Variants in NUDT9 observed in about 807,000 individuals in gnomAD.
The protein encoded by NUDT9 is nudix hydrolase 9, also known as ADP-ribose pyrophosphatase.
Under a neutral mutation model 41.0 loss-of-function variants are expected in NUDT9, and 31 were observed. That is an observed-to-expected ratio of 0.76 (90% confidence interval 0.57 to 1.02). The LOEUF (loss-of-function observed/expected upper bound fraction) is 1.02, where lower values mean the gene tolerates loss of function less well. Ranked by LOEUF, NUDT9 falls within the 50% of genes least tolerant of loss-of-function variation. The pLI, the probability that NUDT9 is intolerant of heterozygous loss-of-function variation, is 0.00. For missense variants in NUDT9, 380 were observed against 431.4 expected (o/e 0.88, Z 1.06); for synonymous variants, 146 against 147.6 (o/e 0.99, Z 0.08).
Position 87,454,493 on chromosome 4 carries a change from A to G in NUDT9, c.874+38A>G, listed in dbSNP as rs777219701. ...TTATTAAACTGGCTGGGATTAAAGG[A>G]TCAATTTAAGCCATTAGCCCACTAA... is the stretch of plus-strand genomic sequence containing the variant. On this transcript the variant is annotated intron_variant, in intron 7 of 7. Coordinates refer to ENST00000302174, the MANE Select transcript of NUDT9 (RefSeq NM_024047.5). 25 of 1,346,308 alleles carry G rather than the reference A, an allele frequency of 1.9e-5. No homozygotes were observed. The Middle Eastern group carries it at 9.0e-4, about 48-fold the overall frequency. 83.4% of individuals were successfully genotyped at this position (1,346,308 alleles called of 1,614,324 possible). A position where few individuals can be genotyped will look rare whatever the true frequency, so the allele number is the denominator to read the frequency against.
chr4:87,438,612 G>C (rs1224035614), intron 3 of NUDT9, among the ~76,000 whole-genome samples: 1 of 152,138 alleles, frequency 6.6e-6, no homozygotes, highest in Non-Finnish European at 1.5e-5. Flanking sequence ...GCGTTTGAAT[G>C]CATCTTTTTG....
At position 87,458,258 on chromosome 4, in the gene NUDT9, G is replaced by T. The variant is rs1723076200; in HGVS notation, c.*237G>T. 5.8e-6 allele frequency: 2 copies of T among 346,614 alleles called. No individual in the cohort carries two copies. Among genetic ancestry groups the T allele is most frequent in the South Asian group, 1.4e-4 (1 of 7,294 alleles). The allele number at this position is 346,614 out of a possible 1,614,324, so 21.5% of individuals were successfully genotyped here. A position where few individuals can be genotyped will look rare whatever the true frequency, so the allele number is the denominator to read the frequency against. On this transcript the variant is annotated 3_prime_UTR_variant, in exon 8 of 8. Coordinates refer to ENST00000302174, the MANE Select transcript of NUDT9 (RefSeq NM_024047.5). ...AAGTAATCATATTTTGTATGTATTC[G>T]ATTTAAGCATGGCTTAAATTAAATT...
At chr4:87,455,273 C>T (rs900227287) in intron 7 of NUDT9, among the ~76,000 whole-genome samples, 2 of 152,296 alleles carry the variant, frequency 1.3e-5, no homozygotes, top group East Asian at 1.9e-4. Flanking sequence ...GCTTGTTGAA[C>T]TTGGAGGAAA....
chr4:87,429,486 T>G (rs1721583845), intron 1 of NUDT9, among the ~76,000 whole-genome samples: 1 of 152,142 alleles, frequency 6.6e-6, no homozygotes, highest in Admixed American at 6.5e-5. Context: ...TATAATTATG[T>G]AATTTGCCCT....
intron 7 of NUDT9, 145 bp from the exon 8 acceptor site, chr4:87,457,698 G>A: frequency 1.5e-6 from 1 of 664,894 alleles, no homozygotes; most frequent in Non-Finnish European, 2.5e-6. Context: ...CTGCTGACCA[G>A]GGATGGAATG....
rs1220030254 is a variant in NUDT9, at chr4:87,438,263, T to C, written c.348-14T>C. 1 of 1,385,414 alleles carries C rather than the reference T, an allele frequency of 7.2e-7. No individual in the cohort carries two copies. Among genetic ancestry groups the C allele is most frequent in the Non-Finnish European group, 1.0e-6 (1 of 973,258 alleles). The allele number at this position is 1,385,414 out of a possible 1,614,324, so 85.8% of individuals were successfully genotyped here. ...ATCATTATTTCTTATTTTACATTGG[T>C]ATTCTCATTACAGTGAAAGTAATTT... On this transcript the variant is annotated splice_polypyrimidine_tract_variant and intron_variant, in intron 2 of 7. Transcript: ENST00000302174.
intron 7 of NUDT9, 36 bp downstream of exon 7, chr4:87,454,491 G>C (rs1194489302): frequency 2.2e-6 from 3 of 1,369,994 alleles, no homozygotes; most frequent in Admixed American, 3.4e-5. Context: ...TGGGATTAAA[G>C]GATCAATTTA....
chr4:87,423,592 C>G (rs770670331), intron 1 of NUDT9, among the ~76,000 whole-genome samples: 1 of 152,016 alleles, frequency 6.6e-6, no homozygotes, highest in Non-Finnish European at 1.5e-5. Flanking sequence ...GCAGCCTTTT[C>G]TTATTTTATA....
At chr4:87,432,058 A>T (rs527697296) in intron 1 of NUDT9, among the ~76,000 whole-genome samples, 2 of 152,164 alleles carry the variant, frequency 1.3e-5, no homozygotes, top group Admixed American at 1.3e-4. Flanking sequence ...TTCATTTATT[A>T]GTTCTAACAG....
At chr4:87,434,456 T>C (rs1721819032) in intron 1 of NUDT9, 1 of 146,394 alleles carries the variant, frequency 6.8e-6, no homozygotes, top group Non-Finnish European at 1.5e-5. Flanking sequence ...ATAAATTCAG[T>C]GAGTGGGTTC....
At chr4:87,452,618 T>C (rs76595563) in intron 6 of NUDT9, among the ~76,000 whole-genome samples, 2,272 of 151,678 alleles carry the variant, frequency 0.015, 61 homozygotes, top group African/African-American at 0.052. Flanking sequence ...ACTGGGCTAA[T>C]TTTTTGTTTT....
At chr4:87,453,861 C>CTTTTTT (rs533107265) in intron 6 of NUDT9, among the ~76,000 whole-genome samples, 1 of 136,244 alleles carries the variant, frequency 7.3e-6, no homozygotes, top group Non-Finnish European at 1.6e-5. Flanking sequence ...TTCTTTCTTT[C>CTTTTTT]TTTTTTTTTT....
intron 1 of NUDT9, among the ~76,000 whole-genome samples, chr4:87,429,116 T>G (rs1721565186): frequency 6.6e-6 from 1 of 152,180 alleles, no homozygotes; most frequent in African/African-American, 2.4e-5. Flanking sequence ...TAGGAAGCAG[T>G]TCTTGTAAGT....
At chr4:87,454,694 G>A (rs1722910029) in intron 7 of NUDT9, among the ~76,000 whole-genome samples, 1 of 152,198 alleles carries the variant, frequency 6.6e-6, no homozygotes, top group Admixed American at 6.5e-5. Flanking sequence ...TTGAAATTAA[G>A]GATGAAATTA....
intron 7 of NUDT9, 40 bp downstream of exon 7, chr4:87,454,495 C>A (rs746501917): frequency 6.3e-6 from 8 of 1,273,866 alleles, no homozygotes; most frequent in South Asian, 1.2e-5. Flanking sequence ...ATTAAAGGAT[C>A]AATTTAAGCC....
At chr4:87,457,236 AT>A (rs34596563) in intron 7 of NUDT9, among the ~76,000 whole-genome samples, 25,558 of 125,786 alleles carry the variant, frequency 0.2, 977 homozygotes, top group Non-Finnish European at 0.22. Flanking sequence ...GATAATTTAA[AT>A]TTTTTTTTTT....
chr4:87,458,138 C>A lies in NUDT9; in HGVS notation c.*117C>A. ...GTAGGCCACTTGGCCTATTTACTTTCAAAACAATTTGCATTTAGAGTGTTT... is the reference window on the plus strand; with the variant it reads ...GTAGGCCACTTGGCCTATTTACTTTAAAAACAATTTGCATTTAGAGTGTTT... On this transcript the variant is annotated 3_prime_UTR_variant, in exon 8 of 8. Coordinates refer to ENST00000302174, the MANE Select transcript of NUDT9 (RefSeq NM_024047.5). 3 of 881,038 alleles carry A rather than the reference C, an allele frequency of 3.4e-6. No homozygotes were observed. Among genetic ancestry groups the A allele is most frequent in the Non-Finnish European group, 3.1e-6 (2 of 642,512 alleles). The allele number at this position is 881,038 out of a possible 1,614,324, so 54.6% of individuals were successfully genotyped here.
chr4:87,439,106 C>T (rs555801215), intron 3 of NUDT9, among the ~76,000 whole-genome samples: 1 of 149,676 alleles, frequency 6.7e-6, no homozygotes, highest in African/African-American at 2.5e-5. Context: ...GCGGAGGTTG[C>T]GGTGGGCTGA....
chr4:87,457,847 G>C lies in NUDT9; in HGVS notation c.879G>C (p.Glu293Asp). Reference protein sequence around the residue: ...EAVNYHDETGEIMDNLMLEAG... With the variant: ...EAVNYHDETGDIMDNLMLEAG... Reference sequence around the variant, plus strand: ...TGGTTTTTCTTTGGCAACCAGGTGAGATAATGGATAATCTTATGCTAGAAG... The same window carrying C: ...TGGTTTTTCTTTGGCAACCAGGTGACATAATGGATAATCTTATGCTAGAAG... The change falls in exon 8 of 8, where the codon GAG becomes GAC. Residue 293 changes from glutamate to aspartate, a missense_variant. Transcript: ENST00000302174. 1 of 1,609,832 alleles carries C rather than the reference G, an allele frequency of 6.2e-7. No homozygotes were observed. The highest frequency in any genetic ancestry group is 8.5e-7 in the Non-Finnish European group (1 of 1,178,586).
Sources: gnomAD v4.1 joint callset for allele counts (sites outside exome capture counted in the v4.1 genomes callset) on GRCh38, gnomAD v4.1.1 for gene constraint, MANE v1.5 for transcripts, NCBI Gene and HGNC (gene_info 2026-07-23, HGNC 2026-07-21) for gene names.